DCAF7: variants seen among roughly 807,000 people sequenced by gnomAD.
DCAF7 encodes DDB1- and CUL4-associated factor 7.
A neutral mutation model predicts 41.2 loss-of-function variants in DCAF7; 4 were observed. That is an observed-to-expected ratio of 0.10 (90% CI 0.05 to 0.22). The LOEUF (loss-of-function observed/expected upper bound fraction) is 0.22. Ranked by LOEUF, DCAF7 falls within the 10% of genes least tolerant of loss-of-function variation. The pLI is 1.00. For synonymous variants in DCAF7, 143 were observed against 164.2 expected (o/e 0.87, Z 0.99); for missense variants, 131 against 443.2 (o/e 0.30, Z 6.32).
intron 6 of DCAF7, among the ~76,000 whole-genome samples, chr17:63,588,460 G>C (rs768614705): frequency 7.9e-5 from 12 of 151,402 alleles, no homozygotes; most frequent in Non-Finnish European, 1.5e-4. Flanking sequence ...GCCTTCCAAA[G>C]TGTTGGGATT....
rs377638787 is a variant in DCAF7, at chr17:63,588,189, A to ATTTTTTTTTTTTTTTTTTTTTTTTTTTT, written c.857-795_857-794insTTTTTTTTTTTTTTTTTTTTTTTTTTTT. 3.3e-5 allele frequency among the ~76,000 whole-genome samples: 4 copies of ATTTTTTTTTTTTTTTTTTTTTTTTTTTT among 120,260 alleles called. 1 individual carries two copies. The highest frequency in any genetic ancestry group is 1.6e-4 in the African/African-American group (4 of 25,398). The allele number at this position is 120,260 out of a possible 152,430, so 78.9% of individuals were successfully genotyped here. On this transcript the variant is annotated intron_variant, in intron 6 of 6. Coordinates refer to ENST00000614556, the MANE Select transcript of DCAF7 (RefSeq NM_005828.5). ...GTGTTTCCCATAGCTATTTTCTTGGATTTTTTTTTTTTTTTTGAGATGAAG... is the reference window on the plus strand; with the variant it reads ...GTGTTTCCCATAGCTATTTTCTTGGATTTTTTTTTTTTTTTTTTTTTTTTTTTTTTTTTTTTTTTTTTTTGAGATGAAG...
intron 6 of DCAF7, among the ~76,000 whole-genome samples, chr17:63,585,587 C>T (rs1315967656): frequency 9.9e-5 from 15 of 152,164 alleles, no homozygotes; most frequent in Non-Finnish European, 7.3e-5. Flanking sequence ...TTGTACTGTG[C>T]CCCTGAAATC....
chr17:63,570,492 A>G (rs117232183), intron 1 of DCAF7, among the ~76,000 whole-genome samples: 2,135 of 152,262 alleles, frequency 0.014, 25 homozygotes, highest in Middle Eastern at 0.058. Context: ...TGTTTATTAT[A>G]TTCTTTGCCT....
In DCAF7 at chr17:63,579,943, G is replaced by A. The variant is rs770119199; in HGVS notation, c.528G>A (p.Glu176=). The A allele has an allele frequency of 6.8e-6, 11 of 1,612,486 alleles. No individual in the cohort carries two copies. The highest frequency in any genetic ancestry group is 3.3e-4 in the Middle Eastern group (2 of 6,076). Residue 176 remains glutamate (E), a splice_region_variant and synonymous_variant, in exon 4 of 7, where the codon GAG becomes GAA. Coordinates refer to ENST00000614556, the MANE Select transcript of DCAF7 (RefSeq NM_005828.5). ...CCCAGCTGATCGCCCATGACAAAGAGGTAAGATGCTTTTCCATTTCGTCTT... is the reference window on the plus strand; with the variant it reads ...CCCAGCTGATCGCCCATGACAAAGAAGTAAGATGCTTTTCCATTTCGTCTT... ...VKTQLIAHDK[E]VYDIAFSRAG...
At chr17:63,587,870 C>T (rs1486227753) in intron 6 of DCAF7, among the ~76,000 whole-genome samples, 2 of 151,094 alleles carry the variant, frequency 1.3e-5, no homozygotes, top group Admixed American at 6.6e-5. Flanking sequence ...CCTGTAATCC[C>T]AGCATTTTGG....
intron 1 of DCAF7, among the ~76,000 whole-genome samples, chr17:63,576,270 C>G (rs1399379544): frequency 1.3e-5 from 2 of 151,992 alleles, no homozygotes; most frequent in African/African-American, 4.8e-5. Flanking sequence ...GGTGAAGACC[C>G]TTCTCTACTA....
In DCAF7 at chr17:63,592,412, A is replaced by AG. The variant is rs1293196729; in HGVS notation, c.*3240_*3241insG. On this transcript the variant is annotated 3_prime_UTR_variant, in exon 7 of 7. Transcript: ENST00000614556. ...AGAGCAAGACTCCGTCTCAAAAAATAAAAAAAAAAAAAAAATAGGTGAAAA... is the reference window on the plus strand; with the variant it reads ...AGAGCAAGACTCCGTCTCAAAAAATAGAAAAAAAAAAAAAAATAGGTGAAAA... The AG allele has an allele frequency of 8.2e-6, 1 of 121,922 alleles. No homozygotes were observed. The highest frequency in any genetic ancestry group is 3.4e-5 in the African/African-American group (1 of 29,582). The allele number at this position is 121,922 out of a possible 1,614,324, so 7.6% of individuals were successfully genotyped here. A position where few individuals can be genotyped will look rare whatever the true frequency, so the allele number is the denominator to read the frequency against.
At position 63,592,181 on chromosome 17, in the gene DCAF7, TC is replaced by T. The variant is rs2033740530; in HGVS notation, c.*3012del. On this transcript the variant is annotated 3_prime_UTR_variant, in exon 7 of 7. Coordinates refer to ENST00000614556, the MANE Select transcript of DCAF7 (RefSeq NM_005828.5). ...ATTTTGGGAGGCTGAGGTGGCCAGA[TC>T]CCAAGGTCAGAAGATCGAGACCATC... 2.0e-5 allele frequency: 3 copies of T among 152,066 alleles called. No homozygotes were observed. In the South Asian group the frequency reaches 6.2e-4, roughly 31 times the overall value. 9.4% of individuals were successfully genotyped at this position (152,066 alleles called of 1,614,324 possible).
intron 1 of DCAF7, among the ~76,000 whole-genome samples, chr17:63,569,351 T>C (rs1488123694): frequency 6.7e-6 from 1 of 150,256 alleles, no homozygotes; most frequent in Non-Finnish European, 1.5e-5. Context: ...TTATAGGGTG[T>C]GTTGGAATAA....
chr17:63,568,819 T>C (rs547420234), intron 1 of DCAF7, among the ~76,000 whole-genome samples: 12 of 152,320 alleles, frequency 7.9e-5, no homozygotes, highest in Admixed American at 3.9e-4. Context: ...TCTGCCTCTT[T>C]CCTTGCATGC....
intron 1 of DCAF7, among the ~76,000 whole-genome samples, chr17:63,569,869 C>T (rs1289378038): frequency 6.6e-6 from 1 of 152,124 alleles, no homozygotes; most frequent in Non-Finnish European, 1.5e-5. Flanking sequence ...TGCACCACCA[C>T]GCTTTGCTAA....
At chr17:63,576,840 G>A (rs1283928199) in intron 1 of DCAF7, among the ~76,000 whole-genome samples, 1 of 152,226 alleles carries the variant, frequency 6.6e-6, no homozygotes, top group Non-Finnish European at 1.5e-5. Context: ...CTTAAGCCCA[G>A]GAGGTTGAGC....
intron 1 of DCAF7, among the ~76,000 whole-genome samples, chr17:63,564,124 A>T (rs2033414510): frequency 7.6e-6 from 1 of 131,668 alleles, no homozygotes; most frequent in South Asian, 2.3e-4. Flanking sequence ...ACATAGAGGG[A>T]TGTTAACTTT....
chr17:63,588,112 C>T (rs867904084), intron 6 of DCAF7, among the ~76,000 whole-genome samples: 30 of 150,568 alleles, frequency 2.0e-4, no homozygotes, highest in South Asian at 6.2e-4. Context: ...ATATTTCCTT[C>T]TACTTATTTT....
Position 63,592,777 on chromosome 17 carries a change from G to A in DCAF7, c.*3605G>A, listed in dbSNP as rs925122565. The A allele has an allele frequency of 4.6e-5, 7 of 152,246 alleles. No homozygotes were observed. The highest frequency in any genetic ancestry group is 1.7e-4 in the African/African-American group (7 of 41,442). 9.4% of individuals were successfully genotyped at this position (152,246 alleles called of 1,614,324 possible). On this transcript the variant is annotated 3_prime_UTR_variant, in exon 7 of 7. Transcript: ENST00000614556. ...ACAGCTTAGAGCAGCCATGGGTGAT[G>A]TTTGGTGGTAAAAAACCTACAGGCG... is the stretch of plus-strand genomic sequence containing the variant.
chr17:63,569,089 A>G (rs1045021997), intron 1 of DCAF7, among the ~76,000 whole-genome samples: 3 of 152,206 alleles, frequency 2.0e-5, no homozygotes, highest in African/African-American at 7.2e-5. Flanking sequence ...CCTGTGTCCC[A>G]TTACCAGAAA....
chr17:63,583,726 C>G lies in DCAF7; in HGVS notation c.738+15C>G. ...ATGGAATGGAGGTGAGCACTCCTCTCAGGCTACCATGGGCCCTGCCTAACT... is the reference window on the plus strand; with the variant it reads ...ATGGAATGGAGGTGAGCACTCCTCTGAGGCTACCATGGGCCCTGCCTAACT... On this transcript the variant is annotated intron_variant, in intron 5 of 6. Transcript: ENST00000614556. 1.2e-6 allele frequency: 2 copies of G among 1,612,510 alleles called. No homozygotes were observed. Among genetic ancestry groups the G allele is most frequent in the Non-Finnish European group, 1.7e-6 (2 of 1,178,738 alleles).
chr17:63,573,256 CTT>C (rs1167940492), intron 1 of DCAF7: 1 of 152,198 alleles, frequency 6.6e-6, no homozygotes, highest in African/African-American at 2.4e-5. Context: ...ATACAGAACA[CTT>C]TACAAATTTC....
At chr17:63,584,369 G>A (rs1226076310) in intron 5 of DCAF7, among the ~76,000 whole-genome samples, 1 of 152,148 alleles carries the variant, frequency 6.6e-6, no homozygotes, top group African/African-American at 2.4e-5. Context: ...TCGGGAGGCT[G>A]AGGCAAGAGA....
Sources: gnomAD v4.1 joint callset for allele counts (sites outside exome capture counted in the v4.1 genomes callset) on GRCh38, gnomAD v4.1.1 for gene constraint, MANE v1.5 for transcripts, NCBI Gene and HGNC (gene_info 2026-07-23, HGNC 2026-07-21) for gene names.